Variants in SPOCK1 observed in about 807,000 individuals in gnomAD.
SPOCK1 encodes SPARC (osteonectin), cwcv and kazal like domains proteoglycan 1.
SPOCK1 carries 23 observed loss-of-function variants against 55.3 expected under a neutral mutation model. The observed-to-expected ratio is 0.42, with a 90% CI of 0.30 to 0.59. The LOEUF is 0.59. Among genes scored for constraint, SPOCK1 ranks in the 20% least tolerant of loss-of-function variants. The probability of loss-of-function intolerance (pLI) is 0.22; values close to 1 mark genes in which losing one functional copy is unlikely to be tolerated. For missense variants in SPOCK1, 499 were observed against 552.5 expected (o/e 0.90, Z 0.97); for synonymous variants, 226 against 221.0 (o/e 1.02, Z -0.20).
At chr5:137,302,499 C>T (rs546985910) in intron 2 of SPOCK1, among the ~76,000 whole-genome samples, 112 of 151,614 alleles carry the variant, frequency 7.4e-4, no homozygotes, top group Admixed American at 2.0e-3. Flanking sequence ...ATGGCATGAA[C>T]CTGGGAGGCA....
intron 2 of SPOCK1, among the ~76,000 whole-genome samples, chr5:137,337,779 G>A (rs188264430): frequency 1.3e-3 from 192 of 152,264 alleles, no homozygotes; most frequent in Non-Finnish European, 2.2e-3. Context: ...AAACAAAGAC[G>A]TTTTTGAGTT....
At chr5:137,426,813 C>T (rs577367111) in intron 2 of SPOCK1, among the ~76,000 whole-genome samples, 1 of 152,296 alleles carries the variant, frequency 6.6e-6, no homozygotes, top group African/African-American at 2.4e-5. Context: ...GTCCTACCCG[C>T]ACAACACCCT....
At chr5:136,995,568 C>CT (rs1038752687) in intron 6 of SPOCK1, among the ~76,000 whole-genome samples, 50 of 152,306 alleles carry the variant, frequency 3.3e-4, no homozygotes, top group African/African-American at 1.1e-3. Flanking sequence ...AAATGGGAAA[C>CT]TAATAGCCTC....
intron 2 of SPOCK1, among the ~76,000 whole-genome samples, chr5:137,355,776 C>A (rs199519249): frequency 6.6e-6 from 1 of 152,176 alleles, no homozygotes; most frequent in Non-Finnish European, 1.5e-5. Context: ...ATGCCTCCCC[C>A]TCTCCTTCTC....
intron 2 of SPOCK1, among the ~76,000 whole-genome samples, chr5:137,384,966 C>T (rs998670283): frequency 9.2e-5 from 14 of 151,966 alleles, no homozygotes; most frequent in South Asian, 2.1e-4. Flanking sequence ...ATGGGGGGGG[C>T]GGTGCATAAT....
chr5:137,202,533 A>C (rs1755445569), intron 3 of SPOCK1, among the ~76,000 whole-genome samples: 1 of 152,204 alleles, frequency 6.6e-6, no homozygotes, highest in Non-Finnish European at 1.5e-5. Context: ...CATGATATCA[A>C]TTTTTGGTGT....
chr5:137,436,503 G>A lies in SPOCK1; in HGVS notation c.186+61870C>T, dbSNP rs991119685. On this transcript the variant is annotated intron_variant, in intron 2 of 10. Coordinates refer to ENST00000394945, the MANE Select transcript of SPOCK1 (RefSeq NM_004598.4). Reference sequence around the variant, plus strand: ...AATAATAACCACGTGGTCTTAATTAGCATCATTTGAGTACATTTTATATCT... The same window carrying A: ...AATAATAACCACGTGGTCTTAATTAACATCATTTGAGTACATTTTATATCT... Among the ~76,000 whole-genome samples, 5 of 152,066 alleles carry A rather than the reference G, an allele frequency of 3.3e-5. No homozygotes were observed. In the East Asian group the frequency reaches 7.7e-4, roughly 24 times the overall value.
intron 4 of SPOCK1, among the ~76,000 whole-genome samples, chr5:137,136,593 T>G (rs1316684518): frequency 6.6e-6 from 1 of 152,222 alleles, no homozygotes; most frequent in East Asian, 1.9e-4. Flanking sequence ...TTAATTACTG[T>G]TTTTAGAGAG....
At chr5:137,005,322 CT>C (rs112930078) in intron 6 of SPOCK1, among the ~76,000 whole-genome samples, 41,392 of 149,174 alleles carry the variant, frequency 0.28, 5,744 homozygotes, top group South Asian at 0.31. Context: ...CCAATAATAG[CT>C]TTTTTTTTTA....
chr5:136,992,492 G>A lies in SPOCK1; in HGVS notation c.698C>T (p.Ala233Val). The change falls in exon 7 of 11, where the codon GCC (alanine) becomes GTC (valine). Residue 233 changes from alanine (A) to valine (V), a missense_variant. Coordinates refer to ENST00000394945, the MANE Select transcript of SPOCK1 (RefSeq NM_004598.4). ...RVIKPTSSNT[A>V]QGRFDTSILP... ...ATTTAAAATGGTCTTACTGCCTTGG[G>A]CTGTGTTGGAGCTGGTGGGCTTGAT... 1 of 1,611,550 alleles carries A rather than the reference G, an allele frequency of 6.2e-7. No homozygotes were observed. The highest frequency in any genetic ancestry group is 8.5e-7 in the Non-Finnish European group (1 of 1,178,614).
chr5:137,428,575 T>C (rs1271117623), intron 2 of SPOCK1, among the ~76,000 whole-genome samples: 1 of 152,214 alleles, frequency 6.6e-6, no homozygotes, highest in African/African-American at 2.4e-5. Context: ...AGACTCTGTC[T>C]ACTCACTGAA....
intron 3 of SPOCK1, among the ~76,000 whole-genome samples, chr5:137,255,517 A>G (rs1210421769): frequency 6.6e-6 from 1 of 152,230 alleles, no homozygotes; most frequent in Admixed American, 6.5e-5. Flanking sequence ...ACACTTACAT[A>G]TGCCTACAAG....
intron 5 of SPOCK1, among the ~76,000 whole-genome samples, chr5:137,078,755 G>A (rs1752822021): frequency 6.6e-6 from 1 of 152,082 alleles, no homozygotes; most frequent in Non-Finnish European, 1.5e-5. Context: ...ATTAATCTTT[G>A]CTCCTTCCTC....
chr5:137,278,419 A>T lies in SPOCK1; in HGVS notation c.187-11364T>A, dbSNP rs75613021. Among the ~76,000 whole-genome samples the T allele has an allele frequency of 3.5e-3, 529 of 152,340 alleles. 8 individuals are homozygous for T. The highest frequency in any genetic ancestry group is 0.027 in the Middle Eastern group (8 of 294). On this transcript the variant is annotated intron_variant, in intron 2 of 10. Transcript: ENST00000394945. Reference sequence around the variant, plus strand: ...TAACCAGAGTAGGCAAGCCTACCACAAATGGACCCACATTCCTGAGCCACA... The same window carrying T: ...TAACCAGAGTAGGCAAGCCTACCACTAATGGACCCACATTCCTGAGCCACA...
chr5:137,353,263 C>A (rs1277228874), intron 2 of SPOCK1, among the ~76,000 whole-genome samples: 1 of 152,162 alleles, frequency 6.6e-6, no homozygotes, highest in Non-Finnish European at 1.5e-5. Context: ...CGCCTGTAGT[C>A]CCAACTACTC....
intron 8 of SPOCK1, among the ~76,000 whole-genome samples, chr5:136,986,769 T>A (rs1750850687): frequency 6.6e-6 from 1 of 152,070 alleles, no homozygotes; most frequent in African/African-American, 2.4e-5. Flanking sequence ...TAGAACAAAA[T>A]TTCAAAATTA....
intron 2 of SPOCK1, among the ~76,000 whole-genome samples, chr5:137,326,148 GA>G (rs1758072495): frequency 6.6e-6 from 1 of 151,866 alleles, no homozygotes; most frequent in South Asian, 2.1e-4. Context: ...AGGAGAAGAG[GA>G]AATGAAAAAA....
At chr5:136,992,784 C>T (rs144003603) in intron 6 of SPOCK1, 184 bp from the exon 7 acceptor site, 21 of 492,642 alleles carry the variant, frequency 4.3e-5, no homozygotes, top group Middle Eastern at 5.2e-4. Flanking sequence ...AAAAAGAGAG[C>T]CTAGACCCCC....
chr5:136,983,187 C>G (rs1390005459), intron 9 of SPOCK1, among the ~76,000 whole-genome samples: 1 of 152,136 alleles, frequency 6.6e-6, no homozygotes, highest in Admixed American at 6.6e-5. Context: ...TGTGAGCGTG[C>G]TTACATTTTC....
Sources: allele counts gnomAD v4.1 joint callset (sites outside exome capture counted in the v4.1 genomes callset), GRCh38; gene constraint gnomAD v4.1.1; transcripts MANE v1.5; gene names NCBI Gene and HGNC (gene_info 2026-07-23, HGNC 2026-07-21).